The following DIAPH3 variants were observed in gnomAD, a reference collection of about 807,000 sequenced individuals.
DIAPH3 encodes the protein protein diaphanous homolog 3.
A neutral mutation model predicts 144.3 loss-of-function variants in DIAPH3; 117 were observed. The observed-to-expected ratio is 0.81, with a 90% CI of 0.70 to 0.95. The LOEUF (loss-of-function observed/expected upper bound fraction) is 0.95, where lower values mean the gene tolerates loss of function less well. DIAPH3 is among the 40% of genes least tolerant of loss of function. The pLI is 0.00. For missense variants in DIAPH3, 1,421 were observed against 1,412.7 expected (o/e 1.01, Z -0.09); for synonymous variants, 519 against 488.9 (o/e 1.06, Z -0.81).
chr13:59,984,641 T>C (rs1284854285), intron 12 of DIAPH3, among the ~76,000 whole-genome samples: 1 of 148,176 alleles, frequency 6.7e-6, no homozygotes, highest in Non-Finnish European at 1.5e-5. Flanking sequence ...AAAGGGGATA[T>C]CACCACTGAT....
In DIAPH3 at chr13:60,095,651, T is replaced by C. The variant is rs927437750; in HGVS notation, c.391-1919A>G. Among the ~76,000 whole-genome samples the C allele has an allele frequency of 2.6e-5, 4 of 152,124 alleles. No homozygotes were observed. In the South Asian group the frequency reaches 6.2e-4, roughly 24 times the overall value. ...TAATATTTTAGTCTGTCTGGACCAG[T>C]TTCTGTTTTGATCAGCAGGGTTGTG... On this transcript the variant is annotated intron_variant, in intron 3 of 27. Coordinates refer to ENST00000400324, the MANE Select transcript of DIAPH3 (RefSeq NM_001042517.2).
intron 22 of DIAPH3, among the ~76,000 whole-genome samples, chr13:59,855,118 T>C (rs933712743): frequency 3.3e-5 from 5 of 152,184 alleles, no homozygotes; most frequent in Admixed American, 3.3e-4. Context: ...TCCAACACAG[T>C]TTATATTTGC....
At chr13:60,017,641 G>A (rs2053746662) in intron 5 of DIAPH3, among the ~76,000 whole-genome samples, 1 of 152,078 alleles carries the variant, frequency 6.6e-6, no homozygotes, top group Non-Finnish European at 1.5e-5. Flanking sequence ...TATCAATGTT[G>A]AGGATTTCTG....
chr13:60,117,194 G>GA lies in DIAPH3; in HGVS notation c.214-5009dup, dbSNP rs1314049950. Among the ~76,000 whole-genome samples the GA allele has an allele frequency of 5.3e-5, 8 of 151,972 alleles. No homozygotes were observed. The East Asian group carries it at 1.2e-3, about 22-fold the overall frequency. ...TATGCTTAGCACCTAAAACTCTGGG[G>GA]AAAAGATAAATTTTACCCAAATGGA... On this transcript the variant is annotated intron_variant, in intron 2 of 27. Coordinates refer to ENST00000400324, the MANE Select transcript of DIAPH3 (RefSeq NM_001042517.2).
chr13:59,920,786 A>C (rs1004881528), intron 18 of DIAPH3, among the ~76,000 whole-genome samples: 8 of 151,834 alleles, frequency 5.3e-5, no homozygotes, highest in Non-Finnish European at 8.8e-5. Flanking sequence ...ATCAGAATAA[A>C]CATCCTTCTC....
At chr13:60,044,281 T>C (rs571639809) in intron 4 of DIAPH3, 1 of 152,328 alleles carries the variant, frequency 6.6e-6, no homozygotes, top group East Asian at 1.9e-4. Flanking sequence ...TTTTTCATGT[T>C]TTTTGTTTTT....
chr13:59,987,311 T>C (rs566441007), intron 12 of DIAPH3, among the ~76,000 whole-genome samples: 1 of 146,576 alleles, frequency 6.8e-6, no homozygotes, highest in South Asian at 2.2e-4. Flanking sequence ...AATATCACAC[T>C]CTGGGGACTG....
chr13:59,994,742 T>C (rs2052085443), intron 9 of DIAPH3, among the ~76,000 whole-genome samples: 1 of 151,780 alleles, frequency 6.6e-6, no homozygotes, highest in Non-Finnish European at 1.5e-5. Flanking sequence ...TTACAAGCAA[T>C]TCAAATTTTA....
At chr13:59,706,823 CTATTAA>C (rs1324492204) in intron 27 of DIAPH3, among the ~76,000 whole-genome samples, 4 of 152,146 alleles carry the variant, frequency 2.6e-5, no homozygotes, top group Admixed American at 2.0e-4. Context: ...TCTCAGATTA[CTATTAA>C]TAATTGTGAT....
chr13:59,905,727 G>C (rs1047706970), intron 20 of DIAPH3, among the ~76,000 whole-genome samples: 1 of 152,142 alleles, frequency 6.6e-6, no homozygotes, highest in African/African-American at 2.4e-5. Flanking sequence ...CTTATAAGAG[G>C]GAAGCAGGAG....
intron 27 of DIAPH3, among the ~76,000 whole-genome samples, chr13:59,732,279 T>C (rs1292453981): frequency 1.3e-5 from 2 of 151,966 alleles, no homozygotes; most frequent in African/African-American, 2.4e-5. Context: ...TCACTAGTGT[T>C]ACAACCAACC....
intron 17 of DIAPH3, among the ~76,000 whole-genome samples, chr13:59,958,685 C>T (rs1375530389): frequency 6.6e-6 from 1 of 151,514 alleles, no homozygotes; most frequent in Non-Finnish European, 1.5e-5. Context: ...ATATAATACA[C>T]TATGATACTT....
chr13:59,707,162 C>A (rs968976281), intron 27 of DIAPH3, among the ~76,000 whole-genome samples: 2 of 152,154 alleles, frequency 1.3e-5, no homozygotes, highest in Non-Finnish European at 2.9e-5. Flanking sequence ...TGCGTTTCTA[C>A]TAAGCTCCAA....
intron 1 of DIAPH3, among the ~76,000 whole-genome samples, chr13:60,133,485 C>T (rs2059193561): frequency 6.6e-6 from 1 of 152,032 alleles, no homozygotes; most frequent in Admixed American, 6.6e-5. Flanking sequence ...ACTTTGCTGG[C>T]TTAATTAACT....
chr13:59,792,620 C>T (rs2039386806), intron 25 of DIAPH3, among the ~76,000 whole-genome samples: 1 of 152,188 alleles, frequency 6.6e-6, no homozygotes. Context: ...ATTCATACAA[C>T]CATTTTCTGA....
intron 27 of DIAPH3, among the ~76,000 whole-genome samples, chr13:59,760,861 G>A (rs907806191): frequency 1.3e-5 from 2 of 152,146 alleles, no homozygotes; most frequent in Non-Finnish European, 2.9e-5. Context: ...GACAGCTCCT[G>A]TGACTAATTA....
chr13:59,819,559 C>T (rs2040952375), intron 24 of DIAPH3, among the ~76,000 whole-genome samples: 1 of 151,724 alleles, frequency 6.6e-6, no homozygotes, highest in Non-Finnish European at 1.5e-5. Context: ...TGTAGCAGTT[C>T]TCATACAGTA....
chr13:59,805,996 G>A lies in DIAPH3; in HGVS notation c.3163+4792C>T, dbSNP rs372173076. 2.4e-4 allele frequency among the ~76,000 whole-genome samples: 36 copies of A among 151,916 alleles called. No individual in the cohort carries two copies. The East Asian group carries it at 2.5e-3, about 11-fold the overall frequency. ...AATTTACTGTGCTACCTCAGATAGT[G>A]ATACAAGAATTTCTACACCTGTGAA... On this transcript the variant is annotated intron_variant, in intron 25 of 27. Coordinates refer to ENST00000400324, the MANE Select transcript of DIAPH3 (RefSeq NM_001042517.2).
At chr13:59,692,423 C>T (rs745511167) in intron 27 of DIAPH3, among the ~76,000 whole-genome samples, 3 of 150,400 alleles carry the variant, frequency 2.0e-5, no homozygotes, top group Non-Finnish European at 4.4e-5. Flanking sequence ...CCCCATCCCC[C>T]GACACCAAAT....
Sources: allele counts gnomAD v4.1 joint callset (sites outside exome capture counted in the v4.1 genomes callset), GRCh38; gene constraint gnomAD v4.1.1; transcripts MANE v1.5; gene names NCBI Gene and HGNC (gene_info 2026-07-23, HGNC 2026-07-21).